ZBTB20: variants seen among roughly 807,000 people sequenced by gnomAD.
ZBTB20 encodes the protein zinc finger and BTB domain-containing protein 20.
A neutral mutation model predicts 56.9 loss-of-function variants in ZBTB20; 9 were observed. That is an observed-to-expected ratio of 0.16 (90% CI 0.10 to 0.28). The LOEUF (loss-of-function observed/expected upper bound fraction) is 0.28, where lower values mean the gene tolerates loss of function less well. ZBTB20 is among the 10% of genes least tolerant of loss of function. ZBTB20 has a pLI of 1.00. For missense variants in ZBTB20, 655 were observed against 1,003.0 expected (o/e 0.65, Z 4.69); for synonymous variants, 417 against 420.7 (o/e 0.99, Z 0.11).
At chr3:114,417,099 G>A (rs993384182) in intron 7 of ZBTB20, among the ~76,000 whole-genome samples, 6 of 152,066 alleles carry the variant, frequency 3.9e-5, no homozygotes, top group African/African-American at 9.7e-5. Context: ...AAATAAAGGC[G>A]TTAACTTCTT....
chr3:114,495,370 G>C (rs1455965370), intron 7 of ZBTB20, among the ~76,000 whole-genome samples: 1 of 152,124 alleles, frequency 6.6e-6, no homozygotes, highest in African/African-American at 2.4e-5. Context: ...TTCCTGAAGA[G>C]GTTGTCGCAG....
At chr3:115,086,899 A>G (rs1280691166) in intron 1 of ZBTB20, among the ~76,000 whole-genome samples, 1 of 151,790 alleles carries the variant, frequency 6.6e-6, no homozygotes, top group Non-Finnish European at 1.5e-5. Context: ...AAGGACACTA[A>G]GGGGTAAATG....
At chr3:114,434,335 T>C (rs917960889) in intron 7 of ZBTB20, among the ~76,000 whole-genome samples, 1 of 152,060 alleles carries the variant, frequency 6.6e-6, no homozygotes, top group African/African-American at 2.4e-5. Context: ...TTGGAATCCA[T>C]GTTCTCTAGA....
At chr3:114,393,555 T>C (rs1453853309) in intron 7 of ZBTB20, among the ~76,000 whole-genome samples, 1 of 152,204 alleles carries the variant, frequency 6.6e-6, no homozygotes, top group Non-Finnish European at 1.5e-5. Context: ...CCTGAGCGTC[T>C]ATTAATCAGA....
chr3:115,020,992 T>C (rs907788666), intron 2 of ZBTB20, among the ~76,000 whole-genome samples: 13 of 151,004 alleles, frequency 8.6e-5, no homozygotes, highest in Non-Finnish European at 7.4e-5. Flanking sequence ...TTTAAATTTT[T>C]ACAGGCTGTT....
intron 4 of ZBTB20, among the ~76,000 whole-genome samples, chr3:114,831,266 A>G (rs181318571): frequency 1.3e-5 from 2 of 151,864 alleles, no homozygotes; most frequent in East Asian, 3.9e-4. Flanking sequence ...TATTGGAACA[A>G]TACACAGTAT....
intron 6 of ZBTB20, among the ~76,000 whole-genome samples, chr3:114,506,820 A>G (rs1243251180): frequency 6.6e-6 from 1 of 152,142 alleles, no homozygotes; most frequent in Non-Finnish European, 1.5e-5. Context: ...TACTTTTAAT[A>G]AAAAATTTTC....
At chr3:114,459,658 T>C (rs2092232376) in intron 7 of ZBTB20, among the ~76,000 whole-genome samples, 1 of 152,142 alleles carries the variant, frequency 6.6e-6, no homozygotes, top group African/African-American at 2.4e-5. Flanking sequence ...TTTTTCTCTC[T>C]GTGTGTCAAG....
Position 114,324,071 on chromosome 3 carries a change from T to C in ZBTB20, c.*14934A>G, listed in dbSNP as rs1249433333. 1 of 152,210 alleles carries C rather than the reference T, an allele frequency of 6.6e-6. No homozygotes were observed. Among genetic ancestry groups the C allele is most frequent in the Non-Finnish European group, 1.5e-5 (1 of 68,030 alleles). 9.4% of individuals were successfully genotyped at this position (152,210 alleles called of 1,614,324 possible). A position where few individuals can be genotyped will look rare whatever the true frequency, so the allele number is the denominator to read the frequency against. On this transcript the variant is annotated 3_prime_UTR_variant, in exon 12 of 12. Coordinates refer to ENST00000675478, the MANE Select transcript of ZBTB20 (RefSeq NM_001348800.3). ...CTCACACTTATGTGAGTCATCTCTT[T>C]TGTTGCTCCTGTTTGTTTCAGCTCA...
At chr3:114,544,434 TTTCTTTCTTTCTTTCTTTCTTTC>T (rs2049531437) in intron 6 of ZBTB20, among the ~76,000 whole-genome samples, 1 of 93,172 alleles carries the variant, frequency 1.1e-5, no homozygotes, top group Non-Finnish European at 2.2e-5. Flanking sequence ...TCTTTCTTTC[TTTCTTTCTTTCTTTCTTTCTTTC>T]TTTCTTTCTT....
chr3:114,862,375 T>TA (rs2075574083), intron 4 of ZBTB20, among the ~76,000 whole-genome samples: 1 of 151,786 alleles, frequency 6.6e-6, no homozygotes, highest in African/African-American at 2.4e-5. Flanking sequence ...ATTAATAAAA[T>TA]AGGATAAGAA....
At chr3:115,091,000 T>C (rs1473045648) in intron 1 of ZBTB20, among the ~76,000 whole-genome samples, 4 of 151,922 alleles carry the variant, frequency 2.6e-5, no homozygotes, top group Non-Finnish European at 5.9e-5. Flanking sequence ...AAGTAGTCCA[T>C]AGTCCTCTAC....
intron 1 of ZBTB20, among the ~76,000 whole-genome samples, 182 bp downstream of exon 1, chr3:115,147,037 G>T (rs2085018357): frequency 6.7e-6 from 1 of 149,598 alleles, no homozygotes; most frequent in East Asian, 2.0e-4. Context: ...CGCTCATCCA[G>T]CTCAGGGCCC....
intron 6 of ZBTB20, among the ~76,000 whole-genome samples, chr3:114,575,675 G>T (rs1033530808): frequency 6.6e-6 from 1 of 151,880 alleles, no homozygotes; most frequent in Non-Finnish European, 1.5e-5. Flanking sequence ...AATGTGGGCT[G>T]TCATCCATTT....
chr3:114,840,491 G>A (rs2074335773), intron 4 of ZBTB20, among the ~76,000 whole-genome samples: 1 of 152,138 alleles, frequency 6.6e-6, no homozygotes, highest in African/African-American at 2.4e-5. Flanking sequence ...TATTCAGTCT[G>A]TTCTTTTACT....
At chr3:114,370,954 C>A (rs2082933622) in intron 10 of ZBTB20, among the ~76,000 whole-genome samples, 1 of 152,192 alleles carries the variant, frequency 6.6e-6, no homozygotes, top group South Asian at 2.1e-4. Context: ...ATCTGTTGCA[C>A]CTGGATCCTC....
intron 6 of ZBTB20, among the ~76,000 whole-genome samples, chr3:114,664,755 A>C (rs925870766): frequency 6.6e-6 from 1 of 152,048 alleles, no homozygotes; most frequent in Non-Finnish European, 1.5e-5. Flanking sequence ...GTGTAATATC[A>C]CAAAGAAAAG....
intron 7 of ZBTB20, among the ~76,000 whole-genome samples, chr3:114,471,641 T>A (rs1381954316): frequency 6.6e-6 from 1 of 152,128 alleles, no homozygotes. Flanking sequence ...GTGACAGATA[T>A]AGGACTGCTT....
At chr3:114,714,832 G>C (rs182250856) in intron 5 of ZBTB20, among the ~76,000 whole-genome samples, 1 of 152,196 alleles carries the variant, frequency 6.6e-6, no homozygotes, top group Non-Finnish European at 1.5e-5. Context: ...AATTTAGGAT[G>C]ATAAATCACA....
Sources: gnomAD v4.1 joint callset for allele counts (sites outside exome capture counted in the v4.1 genomes callset) on GRCh38, gnomAD v4.1.1 for gene constraint, MANE v1.5 for transcripts, NCBI Gene and HGNC (gene_info 2026-07-23, HGNC 2026-07-21) for gene names.